WDR27: variants seen among roughly 807,000 people sequenced by gnomAD.
The protein encoded by WDR27 is WD repeat-containing protein 27.
Under a neutral mutation model 114.4 loss-of-function variants are expected in WDR27, and 100 were observed. The ratio of observed to expected loss-of-function variants is 0.87; its 90% confidence interval spans 0.74 to 1.03. The LOEUF (loss-of-function observed/expected upper bound fraction) is 1.03, where lower values mean the gene tolerates loss of function less well. WDR27 is among the 50% of genes least tolerant of loss of function. The pLI is 0.00. For missense variants in WDR27, 1,129 were observed against 1,092.9 expected (o/e 1.03, Z -0.47); for synonymous variants, 449 against 423.1 (o/e 1.06, Z -0.75).
At chr6:169,655,782 C>T (rs61578090) in intron 13 of WDR27, among the ~76,000 whole-genome samples, 10,365 of 152,176 alleles carry the variant, frequency 0.068, 652 homozygotes, top group East Asian at 0.19. Context: ...TGCAATGGCA[C>T]GATCTCAGCT....
chr6:169,485,620 G>A (rs1583708364), intron 25 of WDR27, among the ~76,000 whole-genome samples: 1 of 152,138 alleles, frequency 6.6e-6, no homozygotes, highest in Non-Finnish European at 1.5e-5. Context: ...AAGATCTAAA[G>A]ACAGAACTAC....
At chr6:169,491,941 A>G (rs1207592244) in intron 25 of WDR27, among the ~76,000 whole-genome samples, 8 of 152,226 alleles carry the variant, frequency 5.3e-5, no homozygotes, top group Non-Finnish European at 1.0e-4. Context: ...AAATGAGAAT[A>G]TTCTTCAACT....
At chr6:169,701,066 C>T (rs534423861) in intron 1 of WDR27, among the ~76,000 whole-genome samples, 50 of 152,278 alleles carry the variant, frequency 3.3e-4, no homozygotes, top group African/African-American at 1.2e-3. Flanking sequence ...AGATAGTAAT[C>T]CCAGATAAAC....
At chr6:169,669,089 ACAT>A (rs1274660064) in intron 4 of WDR27, among the ~76,000 whole-genome samples, 3 of 152,230 alleles carry the variant, frequency 2.0e-5, no homozygotes, top group Non-Finnish European at 4.4e-5. Flanking sequence ...GATATGAATA[ACAT>A]CATATCCTGA....
chr6:169,542,234 T>C (rs998414430), intron 25 of WDR27, among the ~76,000 whole-genome samples: 3 of 152,150 alleles, frequency 2.0e-5, no homozygotes, highest in African/African-American at 7.2e-5. Context: ...AAACCACTTA[T>C]TAATTTTATA....
At chr6:169,652,672 A>G (rs576135784) in intron 13 of WDR27, among the ~76,000 whole-genome samples, 1 of 152,374 alleles carries the variant, frequency 6.6e-6, no homozygotes, top group Non-Finnish European at 1.5e-5. Context: ...ATTACTGTAA[A>G]TGAAACATAT....
In WDR27 at chr6:169,697,547, CT is replaced by C. The variant is rs751034309; in HGVS notation, c.-8+4003del. Among the ~76,000 whole-genome samples the C allele has an allele frequency of 2.0e-4, 30 of 152,334 alleles. 1 individual carries two copies. Among genetic ancestry groups the C allele is most frequent in the Non-Finnish European group, 3.7e-4 (25 of 68,030 alleles). ...CGGAGGCCTAACCATCTCCGTGATG[CT>C]GTGCTTCAGTGGTCACGCTCCTAGT... On this transcript the variant is annotated intron_variant, in intron 1 of 25. Transcript: ENST00000448612.
At chr6:169,672,048 G>GT (rs1778874683) in intron 3 of WDR27, 3 of 468,606 alleles carry the variant, frequency 6.4e-6, no homozygotes, top group South Asian at 4.6e-5. Context: ...GCAAAGGTCC[G>GT]TAAGTCTGAA....
intron 13 of WDR27, 102 bp downstream of exon 13, chr6:169,658,174 G>A (rs201957688): frequency 1.1e-6 from 1 of 877,454 alleles, no homozygotes; most frequent in East Asian, 2.7e-5. Context: ...AGTACGGAAT[G>A]CATATTTTAA....
chr6:169,634,235 G>C (rs778233957), intron 20 of WDR27, among the ~76,000 whole-genome samples, 193 bp downstream of exon 20: 1 of 152,112 alleles, frequency 6.6e-6, no homozygotes, highest in Non-Finnish European at 1.5e-5. Context: ...CTTCCTCTGA[G>C]GCCCTTTCTC....
rs137879799 is a variant in WDR27, at chr6:169,692,531, C to T, written c.-7-3519G>A. Among the ~76,000 whole-genome samples the T allele has an allele frequency of 2.3e-3, 348 of 152,198 alleles. 2 individuals carry two copies. Among genetic ancestry groups the T allele is most frequent in the African/African-American group, 7.9e-3 (327 of 41,474 alleles). On this transcript the variant is annotated intron_variant, in intron 1 of 25. Transcript: ENST00000448612. Reference sequence around the variant, plus strand: ...CGTTTTCTCAGTGCAGAACTTATGGCCTGGGGCAGGGCTGAGTCCCACACA... The same window carrying T: ...CGTTTTCTCAGTGCAGAACTTATGGTCTGGGGCAGGGCTGAGTCCCACACA...
At position 169,496,502 on chromosome 6, in the gene WDR27, G is replaced by A. The variant is rs546040577; in HGVS notation, c.2646-38868C>T. ...AGTCATCTAAATAGGAAGGGGAAAA[G>A]TACAATTATCTTTGTTTGCAGATAT... On this transcript the variant is annotated intron_variant, in intron 25 of 25. Transcript: ENST00000448612. Among the ~76,000 whole-genome samples the A allele has an allele frequency of 2.0e-5, 3 of 152,212 alleles. No homozygotes were observed. The South Asian group carries it at 6.2e-4, about 32-fold the overall frequency.
chr6:169,505,581 C>T (rs1295054779), intron 25 of WDR27, among the ~76,000 whole-genome samples: 1 of 152,124 alleles, frequency 6.6e-6, no homozygotes, highest in Non-Finnish European at 1.5e-5. Context: ...TCCTATACTC[C>T]AAGAATAGTC....
At chr6:169,438,834 T>C in the WDR27 span, among the ~76,000 whole-genome samples, 1 of 152,228 alleles carries the variant, frequency 6.6e-6, no homozygotes, top group Non-Finnish European at 1.5e-5. Context: ...CTGTCTTTAT[T>C]AGTTTTTTAC....
chr6:169,641,934 G>A (rs1819290855), intron 17 of WDR27, among the ~76,000 whole-genome samples: 1 of 152,242 alleles, frequency 6.6e-6, no homozygotes, highest in Non-Finnish European at 1.5e-5. Flanking sequence ...ATGCTCGGCG[G>A]AAGGCCTGGG....
intron 25 of WDR27, among the ~76,000 whole-genome samples, chr6:169,532,741 T>C (rs1795744129): frequency 6.6e-6 from 1 of 152,018 alleles, no homozygotes; most frequent in Non-Finnish European, 1.5e-5. Context: ...GTTCTTTTCA[T>C]AGTTGGTTAA....
At chr6:169,472,479 C>T (rs1015342470) in intron 25 of WDR27, among the ~76,000 whole-genome samples, 1 of 152,060 alleles carries the variant, frequency 6.6e-6, no homozygotes, top group Non-Finnish European at 1.5e-5. Context: ...TTCTCTTTAC[C>T]TCAGTTTAGG....
intron 19 of WDR27, 90 bp from the exon 20 acceptor site, chr6:169,634,615 A>C: frequency 1.2e-6 from 1 of 809,860 alleles, no homozygotes; most frequent in South Asian, 1.7e-5. Flanking sequence ...ACATGAAAAG[A>C]AAGTTTTCAT....
Position 169,639,747 on chromosome 6 carries a change from C to A in WDR27, c.1748-1087G>T, listed in dbSNP as rs116890460. ...TCCCAGCCTAACCCTGGGGCCCAGA[C>A]CCTGAGCACGTGCTGGTTTCTGGAC... On this transcript the variant is annotated intron_variant, in intron 17 of 25. Transcript: ENST00000448612. Among the ~76,000 whole-genome samples, 1,201 of 152,306 alleles carry A rather than the reference C, an allele frequency of 7.9e-3. 8 individuals carry two copies. Among genetic ancestry groups the A allele is most frequent in the Non-Finnish European group, 0.015 (988 of 68,026 alleles).
Sources: gnomAD v4.1 joint callset for allele counts (sites outside exome capture counted in the v4.1 genomes callset) on GRCh38, gnomAD v4.1.1 for gene constraint, MANE v1.5 for transcripts, NCBI Gene and HGNC (gene_info 2026-07-23, HGNC 2026-07-21) for gene names.